The following CSMD1 variants were observed in gnomAD, a reference collection of about 807,000 sequenced individuals.
CSMD1 encodes CUB and sushi domain-containing protein 1.
Under a neutral mutation model 417.5 loss-of-function variants are expected in CSMD1, and 213 were observed. The ratio of observed to expected loss-of-function variants is 0.51; its 90% CI spans 0.46 to 0.57. The LOEUF is 0.57. CSMD1 is among the 20% of genes least tolerant of loss of function. The pLI, the probability that CSMD1 is intolerant of heterozygous loss-of-function variation, is 0.00. For missense variants in CSMD1, 6,923 were observed against 4,529.7 expected (o/e 1.53, Z -15.17); for synonymous variants, 2,862 against 1,736.8 (o/e 1.65, Z -16.11).
At chr8:4,091,554 C>G (rs17404135) in intron 3 of CSMD1, among the ~76,000 whole-genome samples, 51,850 of 152,034 alleles carry the variant, frequency 0.34, 9,786 homozygotes, top group Non-Finnish European at 0.42. Flanking sequence ...GCAAACGTGG[C>G]CACCGCTCCT....
At chr8:4,026,173 G>C (rs998988427) in intron 4 of CSMD1, among the ~76,000 whole-genome samples, 1 of 152,028 alleles carries the variant, frequency 6.6e-6, no homozygotes, top group Non-Finnish European at 1.5e-5. Context: ...ACATTTACAA[G>C]AATTAGATCA....
At position 4,934,896 on chromosome 8, in the gene CSMD1, A is replaced by T. The variant is rs1014766759; in HGVS notation, c.85+59436T>A. The stretch of plus-strand genomic sequence containing the variant: ...TCAATCATGTCTATCTGTATCTATC[A>T]TCTACCTATAATGTATCAATCAGCA... On this transcript the variant is annotated intron_variant, in intron 1 of 69. Coordinates refer to ENST00000635120, the MANE Select transcript of CSMD1 (RefSeq NM_033225.6). Among the ~76,000 whole-genome samples, 6 of 152,144 alleles carry T rather than the reference A, an allele frequency of 3.9e-5. No individual in the cohort carries two copies. In the South Asian group the frequency reaches 1.2e-3, roughly 32 times the overall value.
At chr8:4,100,214 T>G (rs1801235267) in intron 3 of CSMD1, among the ~76,000 whole-genome samples, 1 of 152,176 alleles carries the variant, frequency 6.6e-6, no homozygotes, top group Non-Finnish European at 1.5e-5. Context: ...TAAATGAGAT[T>G]ATATAGTCTC....
Position 3,447,382 on chromosome 8 carries a change from A to T in CSMD1, c.1561+21330T>A, listed in dbSNP as rs192992856. Among the ~76,000 whole-genome samples the T allele has an allele frequency of 3.3e-4, 50 of 152,314 alleles. No homozygotes were observed. The East Asian group carries it at 9.3e-3, about 28-fold the overall frequency. ...GGAAAGGAATGAATAAAAGAAGAAA[A>T]AAAAAGATGGCTTAGGTTTTACCCA... On this transcript the variant is annotated intron_variant, in intron 12 of 69. Transcript: ENST00000635120.
rs150664987 is a variant in CSMD1, at chr8:3,218,544, G to C, written c.4672+711C>G. 2.2e-3 allele frequency among the ~76,000 whole-genome samples: 304 copies of C among 139,778 alleles called. 2 individuals are homozygous for C. The highest frequency in any genetic ancestry group is 7.8e-3 in the African/African-American group (289 of 37,108). 91.7% of individuals were successfully genotyped at this position (139,778 alleles called of 152,430 possible). A position where few individuals can be genotyped will look rare whatever the true frequency, so the allele number is the denominator to read the frequency against. On this transcript the variant is annotated intron_variant, in intron 29 of 69. Coordinates refer to ENST00000635120, the MANE Select transcript of CSMD1 (RefSeq NM_033225.6). The stretch of plus-strand genomic sequence containing the variant: ...CTGCAGCACTCCAGCCTGCATGATA[G>C]AGCAAGACTCCATCTCAAAAATAAA...
chr8:3,181,240 T>G, intron 36 of CSMD1, 26 bp from the exon 37 acceptor site: 2 of 1,462,682 alleles, frequency 1.4e-6, no homozygotes, highest in Non-Finnish European at 1.9e-6. Flanking sequence ...CAGATAGAAT[T>G]GTAACACTAC....
At chr8:4,666,501 A>G (rs1047688804) in intron 1 of CSMD1, among the ~76,000 whole-genome samples, 3 of 152,160 alleles carry the variant, frequency 2.0e-5, no homozygotes, top group Admixed American at 6.5e-5. Flanking sequence ...TTTTACTAAG[A>G]CCCTCCAGAA....
chr8:4,300,122 T>C (rs1039064367), intron 3 of CSMD1, among the ~76,000 whole-genome samples: 3 of 152,216 alleles, frequency 2.0e-5, no homozygotes, highest in Non-Finnish European at 2.9e-5. Context: ...TAACATCAGC[T>C]GAGTGCTTTT....
intron 3 of CSMD1, among the ~76,000 whole-genome samples, chr8:4,379,592 C>T (rs554271117): frequency 1.1e-4 from 17 of 152,220 alleles, no homozygotes; most frequent in South Asian, 4.1e-4. Flanking sequence ...AAAGTAAAAA[C>T]TGAAAAATGT....
intron 5 of CSMD1, among the ~76,000 whole-genome samples, chr8:3,963,329 T>G (rs1020637485): frequency 6.6e-6 from 1 of 152,208 alleles, no homozygotes. Context: ...GATAAGCCAA[T>G]TAAATATGTT....
At chr8:3,545,876 A>C (rs1170901977) in intron 10 of CSMD1, among the ~76,000 whole-genome samples, 1 of 152,198 alleles carries the variant, frequency 6.6e-6, no homozygotes, top group African/African-American at 2.4e-5. Flanking sequence ...AGTTGGTGCA[A>C]ACTTAGTGAT....
At chr8:3,761,120 T>A (rs1357000509) in intron 5 of CSMD1, among the ~76,000 whole-genome samples, 1 of 152,174 alleles carries the variant, frequency 6.6e-6, no homozygotes, top group African/African-American at 2.4e-5. Context: ...GTAAGTGAAA[T>A]CATTTCTCTC....
intron 7 of CSMD1, among the ~76,000 whole-genome samples, chr8:3,639,366 T>A (rs1031080793): frequency 6.6e-6 from 1 of 152,180 alleles, no homozygotes; most frequent in Non-Finnish European, 1.5e-5. Flanking sequence ...AAAGAGAGAA[T>A]GAAAGTGAAT....
At chr8:3,124,331 TG>T (rs1817376040) in intron 41 of CSMD1, among the ~76,000 whole-genome samples, 1 of 152,166 alleles carries the variant, frequency 6.6e-6, no homozygotes, top group African/African-American at 2.4e-5. Flanking sequence ...ATAAAAGAAT[TG>T]TAAGTTGCAT....
rs993567016 is a variant in CSMD1 at position 2,938,530 on chromosome 8, A to G, written c.*55T>C. The G allele has an allele frequency of 9.8e-6, 15 of 1,533,094 alleles. No individual in the cohort carries two copies. In the African/African-American group the frequency reaches 2.0e-4, roughly 21 times the overall value. The allele number at this position is 1,533,094 out of a possible 1,614,324, so 95.0% of individuals were successfully genotyped here. On this transcript the variant is annotated 3_prime_UTR_variant, in exon 70 of 70. Transcript: ENST00000635120. ...AGTGGTATATGGCACCAAAGGAATC[A>G]CTGCTTGTCCATCAGAGGTATGGCT... is the stretch of plus-strand genomic sequence containing the variant.
In CSMD1 at chr8:3,189,923, G is replaced by T; in HGVS notation, c.5387C>A (p.Pro1796His). The T allele has an allele frequency of 6.3e-7, 1 of 1,581,160 alleles. No individual in the cohort carries two copies. Among genetic ancestry groups the T allele is most frequent in the Non-Finnish European group, 8.6e-7 (1 of 1,164,048 alleles). ...NALAQWNDTI[P>H]SCVVPCSGNF... ...GGGACACTGCTCACCCACACAGCTG[G>T]GGATCGTGTCGTTCCACTGTGCCAA... Residue 1796 changes from proline (P) to histidine (H), a missense_variant, in exon 34 of 70, where the codon CCC (proline) becomes CAC (histidine). Coordinates refer to ENST00000635120, the MANE Select transcript of CSMD1 (RefSeq NM_033225.6).
At chr8:3,361,402 G>T (rs1001141378) in intron 20 of CSMD1, among the ~76,000 whole-genome samples, 13 of 151,990 alleles carry the variant, frequency 8.6e-5, no homozygotes, top group African/African-American at 2.7e-4. Context: ...GCAGAGGCGG[G>T]TGGATCATGA....
chr8:4,531,797 C>T lies in CSMD1; in HGVS notation c.302+105545G>A, dbSNP rs148347223. 2.3e-3 allele frequency among the ~76,000 whole-genome samples: 351 copies of T among 152,308 alleles called. 3 individuals carry two copies. The highest frequency in any genetic ancestry group is 8.1e-3 in the African/African-American group (337 of 41,562). On this transcript the variant is annotated intron_variant, in intron 2 of 69. Coordinates refer to ENST00000635120, the MANE Select transcript of CSMD1 (RefSeq NM_033225.6). The stretch of plus-strand genomic sequence containing the variant: ...TTTTTAGTATATGTGCAGAGTTTTA[C>T]AGCCACCATCATAATCCCTTTTCAG...
rs144018997 is a variant in CSMD1, at chr8:3,510,792, C to T, written c.1345-17066G>A. Among the ~76,000 whole-genome samples the T allele has an allele frequency of 8.6e-5, 13 of 151,884 alleles. No individual in the cohort carries two copies. In the East Asian group the frequency reaches 2.5e-3, roughly 29 times the overall value. On this transcript the variant is annotated intron_variant, in intron 10 of 69. Transcript: ENST00000635120. ...GAGCTTTTTTGCCTATGTTTATTAG[C>T]CGCATAAATGTCTTCTTTTGAGAAG...
Sources: gnomAD v4.1 joint callset for allele counts (sites outside exome capture counted in the v4.1 genomes callset) on GRCh38, gnomAD v4.1.1 for gene constraint, MANE v1.5 for transcripts, NCBI Gene and HGNC (gene_info 2026-07-23, HGNC 2026-07-21) for gene names.